The following PDE4D variants were observed in gnomAD, a reference collection of about 807,000 sequenced individuals.
PDE4D encodes the protein phosphodiesterase 4D.
PDE4D carries 24 observed loss-of-function variants against 87.4 expected under a neutral mutation model. The observed-to-expected ratio is 0.27, with a 90% CI of 0.20 to 0.39. The LOEUF is 0.39. Ranked by LOEUF, PDE4D falls within the 10% of genes least tolerant of loss-of-function variation. PDE4D has a pLI of 1.00. For missense variants in PDE4D, 714 were observed against 1,041.0 expected (o/e 0.69, Z 4.32); for synonymous variants, 384 against 383.2 (o/e 1.00, Z -0.02).
intron 1 of PDE4D, among the ~76,000 whole-genome samples, chr5:60,321,327 G>C (rs1339610128): frequency 6.6e-6 from 1 of 152,152 alleles, no homozygotes; most frequent in Non-Finnish European, 1.5e-5. Context: ...AATGGTGCTA[G>C]GATAACTAAC....
chr5:59,419,875 C>A (rs912659397), intron 1 of PDE4D, among the ~76,000 whole-genome samples: 2 of 152,064 alleles, frequency 1.3e-5, no homozygotes, highest in African/African-American at 2.4e-5. Context: ...CCGTGGAGAA[C>A]CCCTTGAATC....
At chr5:60,186,657 C>T (rs1396802732) in intron 1 of PDE4D, among the ~76,000 whole-genome samples, 6 of 152,000 alleles carry the variant, frequency 3.9e-5, no homozygotes, top group African/African-American at 1.4e-4. Context: ...CTAACAGCAG[C>T]ATGTAGTTCT....
At chr5:60,332,922 T>A (rs1583447793) in intron 1 of PDE4D, among the ~76,000 whole-genome samples, 1 of 152,206 alleles carries the variant, frequency 6.6e-6, no homozygotes, top group African/African-American at 2.4e-5. Flanking sequence ...TAATTCATGC[T>A]CTGTGCCAGG....
At chr5:59,754,267 T>A (rs1214370485) in intron 1 of PDE4D, among the ~76,000 whole-genome samples, 2 of 151,962 alleles carry the variant, frequency 1.3e-5, no homozygotes, top group Non-Finnish European at 2.9e-5. Flanking sequence ...GAGGCAGAGG[T>A]TGCAGTGAGC....
In PDE4D at chr5:59,777,375, C is replaced by T. The variant is rs180808602; in HGVS notation, c.455+115793G>A. Among the ~76,000 whole-genome samples, 531 of 152,264 alleles carry T rather than the reference C, an allele frequency of 3.5e-3. 3 individuals carry two copies. Among genetic ancestry groups the T allele is most frequent in the African/African-American group, 0.013 (520 of 41,532 alleles). ...AAATAACAGCTTTGTGGACAGAAGC[C>T]TGTTGGGAGACTATGGACAAACTAA... On this transcript the variant is annotated intron_variant, in intron 1 of 14. Transcript: ENST00000340635.
At chr5:59,037,883 CT>C (rs1758826026) in intron 6 of PDE4D, among the ~76,000 whole-genome samples, 1 of 151,242 alleles carries the variant, frequency 6.6e-6, no homozygotes, top group Non-Finnish European at 1.5e-5. Context: ...CATAGATGAA[CT>C]GTAAGATAAT....
intron 1 of PDE4D, among the ~76,000 whole-genome samples, chr5:59,328,722 T>A (rs962374080): frequency 6.6e-5 from 10 of 152,170 alleles, no homozygotes; most frequent in African/African-American, 1.2e-4. Context: ...GCATTGCATT[T>A]AAAAAAATCA....
chr5:59,930,279 C>T (rs1161423475), intron 3 of PDE4D, among the ~76,000 whole-genome samples: 1 of 151,472 alleles, frequency 6.6e-6, no homozygotes. Context: ...TTAAGGATCT[C>T]AAGGTGAAAT....
chr5:60,214,545 T>C (rs1387928939), intron 1 of PDE4D, among the ~76,000 whole-genome samples: 1 of 152,140 alleles, frequency 6.6e-6, no homozygotes, highest in African/African-American at 2.4e-5. Context: ...AATTTAATAA[T>C]ATTATTTATC....
At chr5:59,828,626 T>G (rs897156426) in intron 1 of PDE4D, among the ~76,000 whole-genome samples, 2 of 152,012 alleles carry the variant, frequency 1.3e-5, no homozygotes, top group Non-Finnish European at 2.9e-5. Flanking sequence ...CTTATGAAGC[T>G]GGGGGAGCTG....
intron 1 of PDE4D, among the ~76,000 whole-genome samples, chr5:59,740,934 C>A (rs1353742313): frequency 6.6e-6 from 1 of 152,110 alleles, no homozygotes; most frequent in Non-Finnish European, 1.5e-5. Context: ...TTCAATGCAC[C>A]TAGTGTAAGT....
chr5:59,853,100 TC>T (rs143242993), intron 1 of PDE4D, among the ~76,000 whole-genome samples: 3,735 of 152,092 alleles, frequency 0.025, 155 homozygotes, highest in African/African-American at 0.086. Context: ...AGAAGAAAAA[TC>T]CTTTTAGACC....
chr5:59,018,800 G>A (rs1228317278), intron 6 of PDE4D, among the ~76,000 whole-genome samples: 1 of 152,046 alleles, frequency 6.6e-6, no homozygotes, highest in African/African-American at 2.4e-5. Context: ...GTCAAGGAGA[G>A]TCCTATGTAC....
chr5:59,417,538 C>CT lies in PDE4D; in HGVS notation c.456-201571dup, dbSNP rs550294405. Among the ~76,000 whole-genome samples the CT allele has an allele frequency of 3.4e-3, 489 of 144,294 alleles. 1 individual carries two copies. Among genetic ancestry groups the CT allele is most frequent in the African/African-American group, 7.0e-3 (277 of 39,618 alleles). 94.7% of individuals were successfully genotyped at this position (144,294 alleles called of 152,430 possible). A position where few individuals can be genotyped will look rare whatever the true frequency, so the allele number is the denominator to read the frequency against. On this transcript the variant is annotated intron_variant, in intron 1 of 14. Transcript: ENST00000340635. ...TTGGTTAAAAAGAAAAAGCTGTTAC[C>CT]TTTTTTTTTTTTAATAAACAAACAA...
intron 1 of PDE4D, among the ~76,000 whole-genome samples, chr5:60,422,105 G>C: frequency 6.6e-6 from 1 of 152,226 alleles, no homozygotes; most frequent in Non-Finnish European, 1.5e-5. Flanking sequence ...ATGGAACCAA[G>C]TTGGAAAACA....
At position 59,521,677 on chromosome 5, in the gene PDE4D, C is replaced by A. The variant is rs147225224; in HGVS notation, c.456-305709G>T. On this transcript the variant is annotated intron_variant, in intron 1 of 14. Coordinates refer to ENST00000340635, the MANE Select transcript of PDE4D (RefSeq NM_001104631.2). Reference sequence around the variant, plus strand: ...CACTTTACCCCAAATTGCATAACTTCCTGGTTAATTCTTTAAAAGTTGCCT... The same window carrying A: ...CACTTTACCCCAAATTGCATAACTTACTGGTTAATTCTTTAAAAGTTGCCT... Among the ~76,000 whole-genome samples, 442 of 152,262 alleles carry A rather than the reference C, an allele frequency of 2.9e-3. 2 individuals carry two copies. The highest frequency in any genetic ancestry group is 0.01 in the African/African-American group (416 of 41,550).
chr5:59,146,162 C>A (rs1778626289), intron 5 of PDE4D, among the ~76,000 whole-genome samples: 1 of 152,064 alleles, frequency 6.6e-6, no homozygotes, highest in Non-Finnish European at 1.5e-5. Context: ...CATACACACC[C>A]AATATCTTGT....
At chr5:59,343,982 T>C (rs1418542426) in intron 1 of PDE4D, among the ~76,000 whole-genome samples, 1 of 152,306 alleles carries the variant, frequency 6.6e-6, no homozygotes, top group East Asian at 1.9e-4. Flanking sequence ...GTCTGAGACT[T>C]CATTTATGAT....
intron 1 of PDE4D, among the ~76,000 whole-genome samples, chr5:59,247,459 T>TA (rs1437657101): frequency 6.6e-6 from 1 of 152,122 alleles, no homozygotes; most frequent in East Asian, 1.9e-4. Flanking sequence ...AGAGCCTCCG[T>TA]AATGGGCACT....
Sources: allele counts gnomAD v4.1 joint callset (sites outside exome capture counted in the v4.1 genomes callset), GRCh38; gene constraint gnomAD v4.1.1; transcripts MANE v1.5; gene names NCBI Gene and HGNC (gene_info 2026-07-23, HGNC 2026-07-21).